Variants in DNAH1 observed in about 807,000 individuals in gnomAD.
DNAH1 encodes dynein axonemal heavy chain 1.
A neutral mutation model predicts 484.3 loss-of-function variants in DNAH1; 327 were observed. The ratio of observed to expected loss-of-function variants is 0.68; its 90% CI spans 0.62 to 0.74. DNAH1 has a LOEUF of 0.74. DNAH1 is among the 30% of genes least tolerant of loss of function. DNAH1 has a pLI of 0.00. For missense variants in DNAH1, 5,052 were observed against 5,546.8 expected (o/e 0.91, Z 2.83); for synonymous variants, 2,192 against 2,191.9 (o/e 1.00, Z 0.00).
At chr3:52,342,431 A>G (rs1452898989) in intron 8 of DNAH1, among the ~76,000 whole-genome samples, 1 of 152,242 alleles carries the variant, frequency 6.6e-6, no homozygotes, top group African/African-American at 2.4e-5. Context: ...TAATGCCATA[A>G]TCAGGGCCAG....
rs778806839 is a variant in DNAH1 at position 52,353,314 on chromosome 3, G to A, written c.3226+13G>A. On this transcript the variant is annotated intron_variant, in intron 19 of 77. Coordinates refer to ENST00000420323, the MANE Select transcript of DNAH1 (RefSeq NM_015512.5). This position sits in a 1 kb window ranked among gnomAD's most constrained non-coding sequence, Gnocchi z 5.0. The stretch of plus-strand genomic sequence containing the variant: ...AAGGACATGCCAGGTAGGGAGCCAA[G>A]CCGGCCAATCCCCTCCTCCCTGCCT... The A allele has an allele frequency of 6.2e-7, 1 of 1,610,774 alleles. No homozygotes were observed. The highest frequency in any genetic ancestry group is 8.5e-7 in the Non-Finnish European group (1 of 1,177,624).
chr3:52,345,639 A>G lies in DNAH1; in HGVS notation c.1589A>G (p.His530Arg). The G allele has an allele frequency of 6.2e-7, 1 of 1,610,486 alleles. No homozygotes were observed. The highest frequency in any genetic ancestry group is 8.5e-7 in the Non-Finnish European group (1 of 1,178,450). ...AAGGTGACCGCCATGTCCCTGTTCCACTCGAGCCTCTCCAAGTACAGCCAC... is the reference window on the plus strand; with the variant it reads ...AAGGTGACCGCCATGTCCCTGTTCCGCTCGAGCCTCTCCAAGTACAGCCAC... The part of the protein sequence containing the change: ...CNKVTAMSLF[H>R]SSLSKYSHLE... Residue 530 changes from histidine to arginine, a missense_variant, in exon 10 of 78, where the codon CAC becomes CGC. His to Arg is a conservative substitution (Grantham distance 29). This residue lies in a region of DNAH1 where 1,263 missense variants were observed against 1,218.8 expected (regional missense o/e 1.04). Coordinates refer to ENST00000420323, the MANE Select transcript of DNAH1 (RefSeq NM_015512.5).
At position 52,358,614 on chromosome 3, in the gene DNAH1, G is replaced by A. The variant is rs1702716972; in HGVS notation, c.4143G>A (p.Glu1381=). The change falls in exon 25 of 78, where the codon GAG becomes GAA. Residue 1381 remains glutamate (E), a synonymous_variant. Transcript: ENST00000420323. The surrounding 1 kb of genome is among the most constrained non-coding windows in gnomAD (Gnocchi z 4.2). ...ITHMYSAEGE[E]VQLCFSIYPS... is the part of the protein sequence containing the mutation. Reference sequence around the variant, plus strand: ...ACATGTACTCAGCCGAGGGGGAGGAGGTACAGTTGTGCTTCTCCATCTACC... The same window carrying A: ...ACATGTACTCAGCCGAGGGGGAGGAAGTACAGTTGTGCTTCTCCATCTACC... 1.9e-6 allele frequency: 3 copies of A among 1,613,292 alleles called. No homozygotes were observed. The highest frequency in any genetic ancestry group is 4.5e-5 in the East Asian group (2 of 44,870).
intron 22 of DNAH1, among the ~76,000 whole-genome samples, chr3:52,357,034 T>TG (rs1318308645): frequency 4.6e-5 from 7 of 151,094 alleles, no homozygotes; most frequent in African/African-American, 7.4e-5. Flanking sequence ...CTGTTTTTTT[T>TG]TTTTTGTTTT....
chr3:52,347,412 C>T (rs997439359), intron 11 of DNAH1, among the ~76,000 whole-genome samples: 1 of 152,254 alleles, frequency 6.6e-6, no homozygotes, highest in South Asian at 2.1e-4. Context: ...CCTGAGGTCT[C>T]AGCTGGGGGC....
chr3:52,346,489 G>C lies in DNAH1; in HGVS notation c.1674G>C (p.Lys558Asn), dbSNP rs1365263263. 6.2e-7 allele frequency: 1 copy of C among 1,611,396 alleles called. No homozygotes were observed. The highest frequency in any genetic ancestry group is 8.5e-7 in the Non-Finnish European group (1 of 1,178,590). Residue 558 changes from lysine to asparagine, a missense_variant, in exon 11 of 78, where the codon AAG becomes AAC. By Grantham distance (94) the Lys-to-Asn change is moderately conservative. Coordinates refer to ENST00000420323, the MANE Select transcript of DNAH1 (RefSeq NM_015512.5). The stretch of plus-strand genomic sequence containing the variant: ...CACTCTAGGTGCAGATGTTCCTCAA[G>C]GACAGCTGGATCAGCTCGCTAAAGG... ...QTFSQVQMFL[K>N]DSWISSLKVA...
At chr3:52,326,059 GT>G (rs1198452521) in intron 3 of DNAH1, 80 bp from the exon 4 acceptor site, 3 of 1,335,392 alleles carry the variant, frequency 2.2e-6, no homozygotes, top group Non-Finnish European at 3.0e-6. Flanking sequence ...TACCTGGTTG[GT>G]AATTTATTTT....
chr3:52,362,570 CT>C lies in DNAH1; in HGVS notation c.5094+71del. 2 of 1,365,676 alleles carry C rather than the reference CT, an allele frequency of 1.5e-6. No individual in the cohort carries two copies. Among genetic ancestry groups the C allele is most frequent in the Non-Finnish European group, 2.0e-6 (2 of 979,056 alleles). The allele number at this position is 1,365,676 out of a possible 1,614,324, so 84.6% of individuals were successfully genotyped here. ...GCCTGAGTTCAGAGATGCTAAGCCA[CT>C]TATGCAAGGACACAGTTGCTTGGAC... On this transcript the variant is annotated intron_variant, in intron 31 of 77. Transcript: ENST00000420323. This position sits in a 1 kb window ranked among gnomAD's most constrained non-coding sequence, Gnocchi z 5.1.
chr3:52,392,530 G>A lies in DNAH1; in HGVS notation c.10119G>A (p.Lys3373=). The A allele has an allele frequency of 6.2e-7, 1 of 1,613,998 alleles. No individual in the cohort carries two copies. Among genetic ancestry groups the A allele is most frequent in the South Asian group, 1.1e-5 (1 of 91,084 alleles). ...AEERPDLEEA[K]NQLIISNAKM... ...AGCGACCCGACCTGGAGGAGGCCAA[G>A]AACCAGCTGATTATCAGTAATGCCA... The change falls in exon 64 of 78, where the codon AAG becomes AAA. Residue 3373 remains lysine, a synonymous_variant. Coordinates refer to ENST00000420323, the MANE Select transcript of DNAH1 (RefSeq NM_015512.5).
intron 49 of DNAH1, 85 bp from the exon 50 acceptor site, chr3:52,382,235 G>A: frequency 1.2e-6 from 2 of 1,604,360 alleles, no homozygotes; most frequent in Non-Finnish European, 1.7e-6. Flanking sequence ...ATTCCAGGTG[G>A]TCAGGGTAGG....
chr3:52,346,827 G>A, intron 11 of DNAH1, 57 bp downstream of exon 11: 1 of 1,535,440 alleles, frequency 6.5e-7, no homozygotes, highest in Non-Finnish European at 8.8e-7. Flanking sequence ...TCACCTGCTG[G>A]GGATGGAGCA....
chr3:52,396,827 G>T (rs1375904025), intron 72 of DNAH1, 30 bp downstream of exon 72: 4 of 1,612,346 alleles, frequency 2.5e-6, no homozygotes, highest in Non-Finnish European at 2.5e-6. Flanking sequence ...GGGCCTGGGG[G>T]ACTGGGCACT....
intron 1 of DNAH1, among the ~76,000 whole-genome samples, chr3:52,322,193 C>A (rs1373309014): frequency 6.6e-6 from 1 of 152,112 alleles, no homozygotes; most frequent in African/African-American, 2.4e-5. Context: ...TTCTCACATG[C>A]AGTGTCCAGG....
chr3:52,347,196 G>A (rs1485724378), intron 11 of DNAH1, among the ~76,000 whole-genome samples: 1 of 149,970 alleles, frequency 6.7e-6, no homozygotes, highest in Non-Finnish European at 1.5e-5. Context: ...TGAGATGTAA[G>A]AAGAAACAAG....
In DNAH1 at chr3:52,355,088, T is replaced by TC. The variant is rs751549259; in HGVS notation, c.3693+38dup. ...CTCCCCCCAGTCCTTCCCTCATCGCTCCCCCACTTCAGAGAGCCCGACCCA... is the reference window on the plus strand; with the variant it reads ...CTCCCCCCAGTCCTTCCCTCATCGCTCCCCCCACTTCAGAGAGCCCGACCCA... On this transcript the variant is annotated intron_variant, in intron 21 of 77. Transcript: ENST00000420323. This position sits in a 1 kb window ranked among gnomAD's most constrained non-coding sequence, Gnocchi z 4.5. 2.1e-5 allele frequency: 33 copies of TC among 1,601,046 alleles called. No individual in the cohort carries two copies. The South Asian group carries it at 2.1e-4, about 10-fold the overall frequency.
chr3:52,344,352 T>TG (rs1018553595), intron 8 of DNAH1, 138 bp from the exon 9 acceptor site: 11 of 1,026,528 alleles, frequency 1.1e-5, no homozygotes, highest in South Asian at 1.9e-5. Context: ...CAGGGCCGGG[T>TG]GGGGGTGTGC....
At position 52,396,646 on chromosome 3, in the gene DNAH1, C is replaced by T; in HGVS notation, c.11459C>T (p.Ser3820Phe). ...ATGGAGTTCAAGTCTCTGCTGCTGTCTCTGTGCTTGTTCCATGGGAACGCC... is the reference window on the plus strand; with the variant it reads ...ATGGAGTTCAAGTCTCTGCTGCTGTTTCTGTGCTTGTTCCATGGGAACGCC... ...KVMEFKSLLL[S>F]LCLFHGNALE... Residue 3820 changes from serine to phenylalanine, a missense_variant, in exon 72 of 78, where the codon TCT becomes TTT. This residue lies in a region of DNAH1 where 853 missense variants were observed against 899.0 expected (regional missense o/e 0.95). Coordinates refer to ENST00000420323, the MANE Select transcript of DNAH1 (RefSeq NM_015512.5). 2.5e-6 allele frequency: 4 copies of T among 1,613,520 alleles called. No individual in the cohort carries two copies. Among genetic ancestry groups the T allele is most frequent in the Non-Finnish European group, 3.4e-6 (4 of 1,179,738 alleles).
In DNAH1 at chr3:52,385,853, TAGAA is replaced by T. The variant is rs113576425; in HGVS notation, c.8626-302_8626-299del. On this transcript the variant is annotated intron_variant, in intron 54 of 77. Transcript: ENST00000420323. ...GTGCATTGCAAAACTTCCCAGTAGA[TAGAA>T]AGAAGCTAGAAGAAAGGCAGGAGGA... is the stretch of plus-strand genomic sequence containing the variant. Among the ~76,000 whole-genome samples the T allele has an allele frequency of 0.059, 8,914 of 152,200 alleles. 313 individuals are homozygous for T. Among genetic ancestry groups the T allele is most frequent in the Non-Finnish European group, 0.081 (5,480 of 67,980 alleles).
At chr3:52,372,533 T>A in intron 43 of DNAH1, 146 bp downstream of exon 43, 2 of 1,173,170 alleles carry the variant, frequency 1.7e-6, no homozygotes, top group Non-Finnish European at 2.4e-6. Context: ...GGGCCCAGGG[T>A]TCCCTCACAG....
Sources: gnomAD v4.1 joint callset for allele counts (sites outside exome capture counted in the v4.1 genomes callset) on GRCh38, gnomAD v4.1.1 for gene constraint, gnomAD v4.1.1 regional missense constraint, Gnocchi (gnomAD v3.1) non-coding constraint, MANE v1.5 for transcripts, NCBI Gene and HGNC (gene_info 2026-07-23, HGNC 2026-07-21) for gene names.